Variants in WWC2 observed in about 807,000 individuals in gnomAD.
WWC2 encodes the protein WW and C2 domain containing 2, also known as protein WWC2.
A neutral mutation model predicts 138.5 loss-of-function variants in WWC2; 101 were observed. The observed-to-expected ratio is 0.73, with a 90% CI of 0.62 to 0.86. The LOEUF is 0.86. WWC2 is among the 40% of genes least tolerant of loss of function. The pLI, the probability that WWC2 is intolerant of heterozygous loss-of-function variation, is 0.00. For missense variants in WWC2, 1,420 were observed against 1,419.4 expected (o/e 1.00, Z -0.01); for synonymous variants, 558 against 538.4 (o/e 1.04, Z -0.50).
chr4:183,249,540 T>C (rs963862662), intron 7 of WWC2, among the ~76,000 whole-genome samples: 4 of 152,212 alleles, frequency 2.6e-5, no homozygotes, highest in African/African-American at 9.6e-5. Context: ...AGTTGAAAGC[T>C]AAATGCTAGA....
intron 1 of WWC2, among the ~76,000 whole-genome samples, chr4:183,124,022 T>C (rs1473136103): frequency 1.3e-5 from 2 of 152,214 alleles, no homozygotes; most frequent in South Asian, 2.1e-4. Context: ...TTAAGTATCA[T>C]TGGAATTAAA....
chr4:183,260,837 G>A, intron 10 of WWC2, 73 bp from the exon 11 acceptor site: 1 of 1,538,964 alleles, frequency 6.5e-7, no homozygotes, highest in Non-Finnish European at 8.8e-7. Context: ...CAGATCTGAA[G>A]GAGCCAGTAG....
At chr4:183,228,720 G>C (rs868521858) in intron 4 of WWC2, among the ~76,000 whole-genome samples, 2 of 152,052 alleles carry the variant, frequency 1.3e-5, no homozygotes, top group African/African-American at 4.8e-5. Flanking sequence ...CTTTACTGCT[G>C]GTGGGAAACT....
chr4:183,178,758 G>A (rs1057287485), intron 1 of WWC2, among the ~76,000 whole-genome samples: 5 of 152,124 alleles, frequency 3.3e-5, no homozygotes, highest in African/African-American at 1.2e-4. Context: ...TGAGCTCTCC[G>A]TTCAGAAGCA....
intron 4 of WWC2, among the ~76,000 whole-genome samples, chr4:183,220,462 A>G (rs1027535927): frequency 6.6e-6 from 1 of 151,954 alleles, no homozygotes; most frequent in African/African-American, 2.4e-5. Context: ...CTTGTGGGCC[A>G]TAAAACAAAA....
intron 8 of WWC2, among the ~76,000 whole-genome samples, chr4:183,252,334 G>A (rs1197286874): frequency 6.6e-6 from 1 of 152,166 alleles, no homozygotes; most frequent in African/African-American, 2.4e-5. Context: ...GGAGTTCATA[G>A]TTCACTGAGA....
intron 1 of WWC2, 61 bp downstream of exon 1, chr4:183,099,683 C>G (rs1019141003): frequency 8.5e-7 from 1 of 1,181,990 alleles, no homozygotes; most frequent in African/African-American, 1.6e-5. Context: ...TCCCGGAGAC[C>G]CGGCCGCGCG....
chr4:183,308,460 T>A (rs1000061093), intron 21 of WWC2, among the ~76,000 whole-genome samples: 1 of 151,908 alleles, frequency 6.6e-6, no homozygotes, highest in Admixed American at 6.5e-5. Context: ...CTACCTGACT[T>A]CAAGACTTAC....
At chr4:183,156,073 T>C (rs1470959243) in intron 1 of WWC2, among the ~76,000 whole-genome samples, 2 of 152,070 alleles carry the variant, frequency 1.3e-5, no homozygotes, top group African/African-American at 4.8e-5. Context: ...GCCGCCCAGA[T>C]TGGAGTACAG....
intron 1 of WWC2, among the ~76,000 whole-genome samples, chr4:183,172,250 C>T (rs1734311209): frequency 6.6e-6 from 1 of 152,188 alleles, no homozygotes; most frequent in African/African-American, 2.4e-5. Context: ...CCTCCATTTA[C>T]TGTCATCTTG....
chr4:183,102,264 C>T (rs1743204615), intron 1 of WWC2, among the ~76,000 whole-genome samples: 1 of 152,162 alleles, frequency 6.6e-6, no homozygotes. Context: ...TTTGTGGGCT[C>T]ACCATTAGGG....
intron 16 of WWC2, 81 bp from the exon 17 acceptor site, chr4:183,280,695 G>T (rs1223733511): frequency 4.2e-6 from 6 of 1,418,644 alleles, no homozygotes; most frequent in Non-Finnish European, 5.7e-6. Context: ...ACAGATAGAA[G>T]TGTAAATTCC....
chr4:183,231,566 G>A lies in WWC2; in HGVS notation c.523-8617G>A, dbSNP rs546625966. Among the ~76,000 whole-genome samples the A allele has an allele frequency of 6.6e-5, 10 of 152,052 alleles. No homozygotes were observed. The East Asian group carries it at 1.4e-3, about 21-fold the overall frequency. ...ATTACAGGCGTGAGTCACCATGCCC[G>A]TCCCAGAGAAAGCATTTTGATAAAT... On this transcript the variant is annotated intron_variant, in intron 4 of 22. Coordinates refer to ENST00000403733, the MANE Select transcript of WWC2 (RefSeq NM_024949.6).
chr4:183,319,434 G>T lies in WWC2; in HGVS notation c.*3705G>T. 1.9e-6 allele frequency: 2 copies of T among 1,061,016 alleles called. No individual in the cohort carries two copies. Among genetic ancestry groups the T allele is most frequent in the Non-Finnish European group, 2.7e-6 (2 of 728,262 alleles). 65.7% of individuals were successfully genotyped at this position (1,061,016 alleles called of 1,614,324 possible). A position where few individuals can be genotyped will look rare whatever the true frequency, so the allele number is the denominator to read the frequency against. ...CTTGGAAAGAAACTATAGTTTAATA[G>T]CCACAGGAAAAGATGCATTTTCAAA... On this transcript the variant is annotated 3_prime_UTR_variant, in exon 23 of 23. Transcript: ENST00000403733.
Position 183,289,517 on chromosome 4 carries a change from C to T in WWC2, c.3266C>T (p.Ala1089Val), listed in dbSNP as rs144648112. 9.1e-4 allele frequency: 1,470 copies of T among 1,613,934 alleles called. 15 individuals carry two copies. In the African/African-American group the frequency reaches 0.016, roughly 17 times the overall value. The change falls in exon 21 of 23, where the codon GCG becomes GTG. Residue 1089 changes from alanine (A) to valine (V), a missense_variant. Ala to Val is a moderately conservative substitution (Grantham distance 64, BLOSUM62 0). Coordinates refer to ENST00000403733, the MANE Select transcript of WWC2 (RefSeq NM_024949.6). ...AGCCGCCTCAATGATGAGCTGCAGG[C>T]GCTGAGGGACTTGCGGCAGAAGCTG... ...RQSRLNDELQALRDLRQKLEE... is the reference protein window; with the variant it reads ...RQSRLNDELQVLRDLRQKLEE...
chr4:183,133,962 T>C (rs1733028903), intron 1 of WWC2, among the ~76,000 whole-genome samples: 2 of 152,256 alleles, frequency 1.3e-5, no homozygotes, highest in Non-Finnish European at 2.9e-5. Flanking sequence ...TTTTAACTAC[T>C]GATAGTTTCT....
intron 1 of WWC2, among the ~76,000 whole-genome samples, chr4:183,178,634 C>G (rs987972597): frequency 6.6e-6 from 1 of 151,400 alleles, no homozygotes; most frequent in African/African-American, 2.4e-5. Flanking sequence ...GCACCAGATA[C>G]TTCCCCACAA....
Position 183,245,433 on chromosome 4 carries a change from C to G in WWC2, c.620C>G (p.Ser207Cys), listed in dbSNP as rs745865635. The G allele has an allele frequency of 9.6e-6, 15 of 1,560,136 alleles. No individual in the cohort carries two copies. Among genetic ancestry groups the G allele is most frequent in the Non-Finnish European group, 1.3e-5 (15 of 1,161,720 alleles). ...TTTCACAGAATTGATAAAAAAATGT[C>G]TGGAGGCCAGAGCGGGTATGAACTC... ...ETLQQIDKKM[S>C]GGQSGYELSE... Residue 207 changes from serine to cysteine, a missense_variant, in exon 6 of 23, where the codon TCT becomes TGT. Physicochemically the swap from Ser to Cys is moderately radical, Grantham distance 112 (BLOSUM62 -1). Transcript: ENST00000403733.
intron 6 of WWC2, among the ~76,000 whole-genome samples, chr4:183,245,858 A>G (rs1481212996): frequency 1.3e-5 from 2 of 152,208 alleles, no homozygotes; most frequent in Non-Finnish European, 2.9e-5. Context: ...ACTCACTGAA[A>G]ACTTCATATG....
Sources: gnomAD v4.1 joint callset for allele counts (sites outside exome capture counted in the v4.1 genomes callset) on GRCh38, gnomAD v4.1.1 for gene constraint, MANE v1.5 for transcripts, NCBI Gene and HGNC (gene_info 2026-07-23, HGNC 2026-07-21) for gene names.